The following DTX1 variants were observed in gnomAD, a reference collection of about 807,000 sequenced individuals.
DTX1 encodes deltex E3 ubiquitin ligase 1, also known as E3 ubiquitin-protein ligase DTX1.
In DTX1, 26 loss-of-function variants were observed where a neutral mutation model predicts 57.8. The observed-to-expected ratio is 0.45, with a 90% CI of 0.33 to 0.62. The LOEUF is 0.62. Among genes scored for constraint, DTX1 ranks in the 20% least tolerant of loss-of-function variants. The pLI, the probability that DTX1 is intolerant of heterozygous loss-of-function variation, is 0.02. For synonymous variants in DTX1, 398 were observed against 394.1 expected, an observed-to-expected ratio of 1.01 and a Z score of -0.12; for missense variants, 704 against 895.3, an observed-to-expected ratio of 0.79 and a Z score of 2.73.
chr12:113,073,333 A>G (rs2044749503), intron 2 of DTX1, among the ~76,000 whole-genome samples: 1 of 151,948 alleles, frequency 6.6e-6, no homozygotes, highest in African/African-American at 2.4e-5. Context: ...TCTCTAACTC[A>G]CCTCCTCCCG....
chr12:113,091,041 G>A (rs943369739), intron 3 of DTX1, among the ~76,000 whole-genome samples: 39 of 152,320 alleles, frequency 2.6e-4, no homozygotes, highest in Non-Finnish European at 1.5e-4. Context: ...GCAGCGCGCC[G>A]GGGGCTTGTA....
At chr12:113,080,320 G>A (rs746017780) in intron 3 of DTX1, among the ~76,000 whole-genome samples, 1 of 152,164 alleles carries the variant, frequency 6.6e-6, no homozygotes, top group Admixed American at 6.5e-5. Flanking sequence ...TATCAGTTAT[G>A]GCCCCTTATA....
At chr12:113,079,493 G>A (rs1006913115) in intron 3 of DTX1, among the ~76,000 whole-genome samples, 2 of 145,598 alleles carry the variant, frequency 1.4e-5, no homozygotes, top group African/African-American at 2.6e-5. Context: ...TCCTGGGTTC[G>A]AATCCCCTCT....
Position 113,094,912 on chromosome 12 carries a change from C to T in DTX1, c.1351C>T (p.Leu451=), listed in dbSNP as rs1950275929. Reference sequence around the variant, plus strand: ...CCGCTGTGGCCACATGTACCACCTGCTGTGCCTCGTGGCCATGTACTCCAA... The same window carrying T: ...CCGCTGTGGCCACATGTACCACCTGTTGTGCCTCGTGGCCATGTACTCCAA... ...LGRCGHMYHL[L]CLVAMYSNGN... Residue 451 remains leucine (L), a synonymous_variant, in exon 7 of 10, where the codon CTG becomes TTG. Coordinates refer to ENST00000548759, the MANE Select transcript of DTX1 (RefSeq NM_004416.3). 3 of 1,613,686 alleles carry T rather than the reference C, an allele frequency of 1.9e-6. No homozygotes were observed. The East Asian group carries it at 6.7e-5, about 36-fold the overall frequency.
At chr12:113,083,884 G>A (rs2044836140) in intron 3 of DTX1, among the ~76,000 whole-genome samples, 1 of 152,200 alleles carries the variant, frequency 6.6e-6, no homozygotes, top group Admixed American at 6.5e-5. Context: ...GGACCCACTT[G>A]AGGCTTGGCC....
intron 2 of DTX1, among the ~76,000 whole-genome samples, chr12:113,070,293 G>A (rs1158330937): frequency 6.6e-6 from 1 of 152,194 alleles, no homozygotes; most frequent in Non-Finnish European, 1.5e-5. Context: ...CTCTGACTGG[G>A]GCCCAGCCAC....
intron 3 of DTX1, among the ~76,000 whole-genome samples, chr12:113,092,925 G>A (rs1212774741): frequency 2.0e-5 from 3 of 152,210 alleles, no homozygotes; most frequent in African/African-American, 4.8e-5. Flanking sequence ...GGAGGTGTCT[G>A]CACTAAAGTC....
In DTX1 at chr12:113,057,763, C is replaced by A. The variant is rs555161152; in HGVS notation, c.-430C>A. 3.3e-4 allele frequency: 59 copies of A among 177,184 alleles called. 2 individuals carry two copies. In the South Asian group the frequency reaches 4.1e-3, roughly 12 times the overall value. 11.0% of individuals were successfully genotyped at this position (177,184 alleles called of 1,614,324 possible). On this transcript the variant is annotated 5_prime_UTR_variant, in exon 2 of 10. Transcript: ENST00000548759. ...AGTGCAAAGGGCTGGCTGAGAGCCG[C>A]AGGAGCAGCAGGCTGTGGCCCAGGC...
At chr12:113,062,127 G>A (rs1370366077) in intron 2 of DTX1, among the ~76,000 whole-genome samples, 1 of 151,658 alleles carries the variant, frequency 6.6e-6, no homozygotes, top group Non-Finnish European at 1.5e-5. Context: ...ATCAACACAA[G>A]CTTCTGTCTA....
chr12:113,090,574 CCTGG>C (rs1950240855), intron 3 of DTX1, among the ~76,000 whole-genome samples: 1 of 152,210 alleles, frequency 6.6e-6, no homozygotes, highest in South Asian at 2.1e-4. Context: ...CTGACCAGGT[CCTGG>C]GGGACCCAGG....
intron 2 of DTX1, among the ~76,000 whole-genome samples, chr12:113,071,803 C>G (rs986731925): frequency 2.0e-5 from 3 of 152,256 alleles, no homozygotes; most frequent in African/African-American, 7.2e-5. Context: ...GCGGCGGGCG[C>G]TGCGGGGTGC....
At position 113,058,338 on chromosome 12, in the gene DTX1, A is replaced by T; in HGVS notation, c.146A>T (p.Glu49Val). 1 of 1,613,666 alleles carries T rather than the reference A, an allele frequency of 6.2e-7. No individual in the cohort carries two copies. Among genetic ancestry groups the T allele is most frequent in the Non-Finnish European group, 8.5e-7 (1 of 1,180,026 alleles). ...ACGGCCACCGTGTGCCACCACATTG[A>T]GAACGTGCTGAAGGAGGACGCTCGC... is the stretch of plus-strand genomic sequence containing the variant. The part of the protein sequence containing the change: ...PYTATVCHHI[E>V]NVLKEDARGS... The change falls in exon 2 of 10, where the codon GAG becomes GTG. Residue 49 changes from glutamate to valine, a missense_variant. Transcript: ENST00000548759.
chr12:113,086,973 A>G (rs1191758564), intron 3 of DTX1, among the ~76,000 whole-genome samples: 1 of 141,752 alleles, frequency 7.1e-6, no homozygotes, highest in African/African-American at 2.7e-5. Context: ...ACCAAACCAC[A>G]CACACTCCTG....
In DTX1 at chr12:113,077,326, C is replaced by A; in HGVS notation, c.260-98C>A. On this transcript the variant is annotated intron_variant, in intron 2 of 9. Transcript: ENST00000548759. The surrounding 1 kb of genome is among the most constrained non-coding windows in gnomAD (Gnocchi z 7.8). ...CCCCCTGGAGGCCTGTGCTGACCCC[C>A]CAACCTCCCGCCCACCCTTGCCTGG... The A allele has an allele frequency of 7.2e-7, 1 of 1,392,404 alleles. No individual in the cohort carries two copies. The highest frequency in any genetic ancestry group is 2.5e-5 in the East Asian group (1 of 40,386). 86.3% of individuals were successfully genotyped at this position (1,392,404 alleles called of 1,614,324 possible).
intron 2 of DTX1, among the ~76,000 whole-genome samples, chr12:113,076,167 A>T (rs1397282292): frequency 6.6e-6 from 1 of 152,136 alleles, no homozygotes; most frequent in Non-Finnish European, 1.5e-5. Flanking sequence ...ATTTAAAAAA[A>T]GCATAAGGGG....
chr12:113,092,910 G>A (rs895687996), intron 3 of DTX1, among the ~76,000 whole-genome samples: 1 of 152,200 alleles, frequency 6.6e-6, no homozygotes, highest in Non-Finnish European at 1.5e-5. Flanking sequence ...CCGGCTGTAG[G>A]GTAAGGAGGT....
Position 113,061,771 on chromosome 12 carries a change from G to A in DTX1, c.259+3320G>A, listed in dbSNP as rs571427331. On this transcript the variant is annotated intron_variant, in intron 2 of 9. Coordinates refer to ENST00000548759, the MANE Select transcript of DTX1 (RefSeq NM_004416.3). ...GGCTAGAGTACAGTGGTGTGATGTC[G>A]GCTCACTGCAGCCTCTTTCCCCGGG... Among the ~76,000 whole-genome samples the A allele has an allele frequency of 1.7e-4, 26 of 151,612 alleles. No individual in the cohort carries two copies. The East Asian group carries it at 4.6e-3, about 27-fold the overall frequency.
At chr12:113,081,876 A>AT (rs1451191185) in intron 3 of DTX1, among the ~76,000 whole-genome samples, 2 of 151,988 alleles carry the variant, frequency 1.3e-5, no homozygotes, top group African/African-American at 2.4e-5. Context: ...GGGGGCTGAG[A>AT]TTTTTTACCC....
In DTX1 at chr12:113,077,503, C is replaced by A; in HGVS notation, c.339C>A (p.Asn113Lys). Reference sequence around the variant, plus strand: ...AGGGCATCGTGTGGGAGTGGGAGAACGACGGCGGCGCATGGACGGCCTACG... The same window carrying A: ...AGGGCATCGTGTGGGAGTGGGAGAAAGACGGCGGCGCATGGACGGCCTACG... Reference protein sequence around the residue: ...PGKGIVWEWENDGGAWTAYDM... With the variant: ...PGKGIVWEWEKDGGAWTAYDM... Residue 113 changes from asparagine (N) to lysine (K), a missense_variant, in exon 3 of 10, where the codon AAC becomes AAA. Physicochemically the swap from Asn to Lys is moderately conservative, Grantham distance 94. This residue lies in a region of DTX1 where 237 missense variants were observed against 328.6 expected (regional missense o/e 0.72). Coordinates refer to ENST00000548759, the MANE Select transcript of DTX1 (RefSeq NM_004416.3). The surrounding 1 kb of genome is among the most constrained non-coding windows in gnomAD (Gnocchi z 7.8). 1 of 1,610,360 alleles carries A rather than the reference C, an allele frequency of 6.2e-7. No individual in the cohort carries two copies. Among genetic ancestry groups the A allele is most frequent in the East Asian group, 2.2e-5 (1 of 44,862 alleles).
Sources: gnomAD v4.1 joint callset for allele counts (sites outside exome capture counted in the v4.1 genomes callset) on GRCh38, gnomAD v4.1.1 for gene constraint, gnomAD v4.1.1 regional missense constraint, Gnocchi (gnomAD v3.1) non-coding constraint, MANE v1.5 for transcripts, NCBI Gene and HGNC (gene_info 2026-07-23, HGNC 2026-07-21) for gene names.